Variants in SYN2 observed in about 807,000 individuals in gnomAD.
SYN2 encodes the protein synapsin-2.
Under a neutral mutation model 50.9 loss-of-function variants are expected in SYN2, and 19 were observed. The observed-to-expected ratio is 0.37, with a 90% CI of 0.26 to 0.55. The LOEUF (loss-of-function observed/expected upper bound fraction) is 0.55. Among genes scored for constraint, SYN2 ranks in the 20% least tolerant of loss-of-function variants. The pLI is 0.81. For synonymous variants in SYN2, 255 were observed against 224.9 expected, an observed-to-expected ratio of 1.13 and a Z score of -1.20; for missense variants, 587 against 576.4, an observed-to-expected ratio of 1.02 and a Z score of -0.19.
At chr3:12,123,585 G>A (rs1398610351) in intron 1 of SYN2, among the ~76,000 whole-genome samples, 1 of 152,130 alleles carries the variant, frequency 6.6e-6, no homozygotes, top group African/African-American at 2.4e-5. Context: ...CCTAGGCAAT[G>A]TAGTGAGACC....
At chr3:12,146,034 G>A (rs1000814407) in intron 4 of SYN2, among the ~76,000 whole-genome samples, 199 bp downstream of exon 4, 3 of 152,190 alleles carry the variant, frequency 2.0e-5, no homozygotes, top group African/African-American at 7.2e-5. Context: ...GGACATGGGG[G>A]AGGGCTGGCC....
Position 12,183,482 on chromosome 3 carries a change from A to G in SYN2, c.1369+110A>G, listed in dbSNP as rs775795020. 4 of 1,604,428 alleles carry G rather than the reference A, an allele frequency of 2.5e-6. 1 individual carries two copies. In the South Asian group the frequency reaches 4.5e-5, roughly 18 times the overall value. On this transcript the variant is annotated intron_variant, in intron 11 of 12. Transcript: ENST00000621198. ...TTTTTCAAAGCAGAAATTTTAAGCC[A>G]AAAACAAACGAAAGGAAAGCGGGGA...
At chr3:12,169,638 ACTC>A (rs1697891615) in intron 9 of SYN2, 116 bp from the exon 10 acceptor site, 3 of 1,104,232 alleles carry the variant, frequency 2.7e-6, no homozygotes, top group Non-Finnish European at 3.9e-6. Context: ...GAAGAGAAGA[ACTC>A]CTGCTTCATC....
chr3:12,168,871 T>G (rs1697871666), intron 9 of SYN2, among the ~76,000 whole-genome samples: 1 of 152,122 alleles, frequency 6.6e-6, no homozygotes, highest in Non-Finnish European at 1.5e-5. Flanking sequence ...TCTTAGTGTC[T>G]CTCTGAGCCT....
intron 8 of SYN2, 64 bp downstream of exon 8, chr3:12,167,372 GT>G (rs1011347338): frequency 2.6e-6 from 4 of 1,514,762 alleles, no homozygotes; most frequent in Non-Finnish European, 3.6e-6. Flanking sequence ...AGATGAAGAA[GT>G]TTAGGAATTA....
intron 1 of SYN2, among the ~76,000 whole-genome samples, chr3:12,078,760 T>C (rs945911101): frequency 6.6e-6 from 1 of 152,240 alleles, no homozygotes; most frequent in African/African-American, 2.4e-5. Context: ...TTTGTTCTTT[T>C]TGCTTAGGAT....
intron 1 of SYN2, among the ~76,000 whole-genome samples, chr3:12,065,089 T>TA (rs1330813982): frequency 1.3e-5 from 2 of 152,148 alleles, no homozygotes; most frequent in East Asian, 3.8e-4. Context: ...TTGGAAACGT[T>TA]ATGCTAAGTG....
intron 10 of SYN2, among the ~76,000 whole-genome samples, chr3:12,182,427 C>T (rs911719199): frequency 6.6e-6 from 1 of 152,176 alleles, no homozygotes; most frequent in African/African-American, 2.4e-5. Flanking sequence ...ACGTTCACTG[C>T]CTCTAATACA....
intron 1 of SYN2, among the ~76,000 whole-genome samples, chr3:12,098,031 G>C (rs552869665): frequency 6.6e-6 from 1 of 152,268 alleles, no homozygotes; most frequent in African/African-American, 2.4e-5. Flanking sequence ...TTATTCATCT[G>C]AGAAGATCAA....
intron 1 of SYN2, among the ~76,000 whole-genome samples, chr3:12,045,432 G>T (rs989992665): frequency 2.6e-5 from 4 of 152,124 alleles, no homozygotes; most frequent in Non-Finnish European, 5.9e-5. Context: ...ATGCATTTCA[G>T]TTTTTTTCTG....
At chr3:12,161,222 A>G (rs1220355108) in intron 5 of SYN2, among the ~76,000 whole-genome samples, 1 of 152,216 alleles carries the variant, frequency 6.6e-6, no homozygotes, top group Non-Finnish European at 1.5e-5. Context: ...TTTCAGAGAT[A>G]CTTTCTTTTT....
chr3:12,024,118 G>A (rs902529237), intron 1 of SYN2, among the ~76,000 whole-genome samples: 20 of 149,882 alleles, frequency 1.3e-4, no homozygotes, highest in African/African-American at 4.2e-4. Flanking sequence ...CATTACCAGC[G>A]CCTGCTAAGC....
chr3:12,053,008 A>C (rs1276562392), intron 1 of SYN2, among the ~76,000 whole-genome samples: 1 of 152,230 alleles, frequency 6.6e-6, no homozygotes, highest in Non-Finnish European at 1.5e-5. Context: ...CCTTTACAAC[A>C]ACCCTACAGC....
chr3:12,130,331 A>G (rs1278003336), intron 1 of SYN2, among the ~76,000 whole-genome samples: 2 of 152,080 alleles, frequency 1.3e-5, no homozygotes, highest in Non-Finnish European at 2.9e-5. Flanking sequence ...GGCAAATGGG[A>G]AACCCAGGAG....
At chr3:12,097,668 G>A (rs13098513) in intron 1 of SYN2, among the ~76,000 whole-genome samples, 2 of 151,956 alleles carry the variant, frequency 1.3e-5, no homozygotes, top group Non-Finnish European at 2.9e-5. Context: ...GGAATACTAT[G>A]CAGCCATAAA....
At chr3:12,158,825 G>T (rs746718077) in intron 5 of SYN2, 1 of 1,592,678 alleles carries the variant, frequency 6.3e-7, no homozygotes. Flanking sequence ...GGCGCGGGCC[G>T]AGGGCTCCCA....
chr3:12,138,404 GAA>G (rs1341947042), intron 1 of SYN2, among the ~76,000 whole-genome samples: 1 of 152,222 alleles, frequency 6.6e-6, no homozygotes, highest in African/African-American at 2.4e-5. Flanking sequence ...GCAGGTGCAG[GAA>G]GTGGCAGATA....
At chr3:12,132,843 A>G (rs575061717) in intron 1 of SYN2, among the ~76,000 whole-genome samples, 2 of 152,280 alleles carry the variant, frequency 1.3e-5, no homozygotes, top group East Asian at 3.9e-4. Flanking sequence ...TTTGCCTGTT[A>G]CAGCTCACAG....
intron 10 of SYN2, among the ~76,000 whole-genome samples, chr3:12,175,392 T>G (rs1698041843): frequency 1.3e-5 from 2 of 152,214 alleles, no homozygotes; most frequent in Admixed American, 1.3e-4. Flanking sequence ...GCCAGGACTT[T>G]GCATAGCCAG....
Sources: allele counts gnomAD v4.1 joint callset (sites outside exome capture counted in the v4.1 genomes callset), GRCh38; gene constraint gnomAD v4.1.1; transcripts MANE v1.5; gene names NCBI Gene and HGNC (gene_info 2026-07-23, HGNC 2026-07-21).